Variants in CHCHD2 observed in about 807,000 individuals in gnomAD.
CHCHD2 encodes coiled-coil-helix-coiled-coil-helix domain containing 2.
In CHCHD2, 17 loss-of-function variants were observed where a neutral mutation model predicts 17.5. The observed-to-expected ratio is 0.97, with a 90% confidence interval of 0.67 to 1.46. The LOEUF (loss-of-function observed/expected upper bound fraction) is 1.46, where lower values mean the gene tolerates loss of function less well. Ranked by LOEUF, CHCHD2 falls within the 40% of genes most tolerant of loss-of-function variation. The pLI is 0.00. For synonymous variants in CHCHD2, 63 were observed against 74.3 expected (o/e 0.85, Z 0.78); for missense variants, 175 against 199.9 (o/e 0.88, Z 0.75).
rs779261129 is a variant in CHCHD2 at position 56,104,379 on chromosome 7, C to A, written c.147G>T (p.Ala49=). Residue 49 remains alanine (A), a synonymous_variant, in exon 2 of 4, where the codon GCG becomes GCT. Transcript: ENST00000395422. ...GGGCCATCAGACCTGGCTGCCGGGG[C>A]GCAGCAGCAGAAGAGCCAACTGCAG... ...PPSAVGSSAA[A]PRQPGLMAQM... 5.6e-6 allele frequency: 9 copies of A among 1,612,292 alleles called. No homozygotes were observed. Among genetic ancestry groups the A allele is most frequent in the Admixed American group, 5.0e-5 (3 of 59,942 alleles).
chr7:56,106,476 T>A lies in CHCHD2; in HGVS notation c.-63A>T. ...AACCACCGAAGAGCTAAGCGACTTCTGAGGAGACCGGAAGATGGGAGGCGG... is the reference window on the plus strand; with the variant it reads ...AACCACCGAAGAGCTAAGCGACTTCAGAGGAGACCGGAAGATGGGAGGCGG... On this transcript the variant is annotated 5_prime_UTR_variant, in exon 1 of 4. Transcript: ENST00000395422. 6.6e-7 allele frequency: 1 copy of A among 1,526,554 alleles called. No individual in the cohort carries two copies. The highest frequency in any genetic ancestry group is 9.1e-7 in the Non-Finnish European group (1 of 1,102,404). 94.6% of individuals were successfully genotyped at this position (1,526,554 alleles called of 1,614,324 possible). A position where few individuals can be genotyped will look rare whatever the true frequency, so the allele number is the denominator to read the frequency against.
In CHCHD2 at chr7:56,105,202, C is replaced by G. The variant is rs189129067; in HGVS notation, c.51-727G>C. Among the ~76,000 whole-genome samples, 156 of 152,342 alleles carry G rather than the reference C, an allele frequency of 1.0e-3. 1 individual carries two copies. Among genetic ancestry groups the G allele is most frequent in the African/African-American group, 3.6e-3 (150 of 41,586 alleles). ...TTGGGATTACAGGCATGAGCCACCACGCCCGGCCACTTTAATCTTTTCTTA... is the reference window on the plus strand; with the variant it reads ...TTGGGATTACAGGCATGAGCCACCAGGCCCGGCCACTTTAATCTTTTCTTA... On this transcript the variant is annotated intron_variant, in intron 1 of 3. Transcript: ENST00000395422.
chr7:56,106,161 G>C (rs1785379731), intron 1 of CHCHD2, among the ~76,000 whole-genome samples: 1 of 152,074 alleles, frequency 6.6e-6, no homozygotes, highest in Non-Finnish European at 1.5e-5. Flanking sequence ...CCGTTGTTTG[G>C]ATAGGAAGCT....
In CHCHD2 at chr7:56,101,876, G is replaced by C. The variant is rs778929119; in HGVS notation, c.446-15C>G. On this transcript the variant is annotated splice_polypyrimidine_tract_variant and intron_variant, in intron 3 of 3. Transcript: ENST00000395422. The stretch of plus-strand genomic sequence containing the variant: ...TTAGGCCAATCCTGCAAACAGAAAA[G>C]ATTAAGTTAGAAGAATGCTAGCTTC... 2 of 1,612,480 alleles carry C rather than the reference G, an allele frequency of 1.2e-6. No homozygotes were observed. Among genetic ancestry groups the C allele is most frequent in the Non-Finnish European group, 1.7e-6 (2 of 1,178,914 alleles).
rs1785349297 is a variant in CHCHD2, at chr7:56,104,489, G to GA, written c.51-15dup. 2 of 1,526,374 alleles carry GA rather than the reference G, an allele frequency of 1.3e-6. No homozygotes were observed. Among genetic ancestry groups the GA allele is most frequent in the Admixed American group, 2.2e-5 (1 of 46,366 alleles). The allele number at this position is 1,526,374 out of a possible 1,614,324, so 94.6% of individuals were successfully genotyped here. A position where few individuals can be genotyped will look rare whatever the true frequency, so the allele number is the denominator to read the frequency against. ...TGAGGGGCCCGGCTGTGAAAGAAAA[G>GA]AAAAAAACATCAAGTTCCCAATTCC... On this transcript the variant is annotated splice_polypyrimidine_tract_variant and intron_variant, in intron 1 of 3. Transcript: ENST00000395422.
chr7:56,102,288 G>A (rs1262405851), intron 3 of CHCHD2, among the ~76,000 whole-genome samples: 1 of 151,582 alleles, frequency 6.6e-6, no homozygotes, highest in Non-Finnish European at 1.5e-5. Context: ...CAGCCTTAAG[G>A]TTAGAAGGTC....
chr7:56,102,783 A>G, intron 3 of CHCHD2, 84 bp downstream of exon 3: 1 of 1,442,804 alleles, frequency 6.9e-7, no homozygotes, highest in Non-Finnish European at 9.6e-7. Flanking sequence ...TCTCTAATTT[A>G]TTAAACACAG....
chr7:56,104,598 T>C (rs1387496936), intron 1 of CHCHD2, 123 bp from the exon 2 acceptor site: 14 of 1,173,456 alleles, frequency 1.2e-5, no homozygotes, highest in Non-Finnish European at 1.6e-5. Context: ...ATTTACATCA[T>C]TTTCTCTCTT....
At chr7:56,102,164 G>A (rs1785296310) in intron 3 of CHCHD2, among the ~76,000 whole-genome samples, 1 of 152,014 alleles carries the variant, frequency 6.6e-6, no homozygotes, top group Non-Finnish European at 1.5e-5. Context: ...AATCTCCGGA[G>A]TTCCCCTGAG....
At chr7:56,102,777 T>C in intron 3 of CHCHD2, 90 bp downstream of exon 3, 1 of 1,387,904 alleles carries the variant, frequency 7.2e-7, no homozygotes, top group East Asian at 2.3e-5. Context: ...AAGTCTTCTC[T>C]AATTTATTAA....
chr7:56,104,596 C>CG, intron 1 of CHCHD2, 121 bp from the exon 2 acceptor site: 1 of 1,153,724 alleles, frequency 8.7e-7, no homozygotes, highest in Non-Finnish European at 1.2e-6. Flanking sequence ...TTATTTACAT[C>CG]ATTTTCTCTC....
intron 1 of CHCHD2, among the ~76,000 whole-genome samples, chr7:56,105,196 C>T (rs1362829251): frequency 6.6e-6 from 1 of 152,222 alleles, no homozygotes; most frequent in East Asian, 1.9e-4. Context: ...CAGGCATGAG[C>T]CACCACGCCC....
At position 56,104,265 on chromosome 7, in the gene CHCHD2, T is replaced by C; in HGVS notation, c.261A>G (p.Gly87=). ...GHAITGGFSG[G]SNAEPARPDI... is the part of the protein sequence containing the mutation. Reference sequence around the variant, plus strand: ...CAGGCCTCGCAGGCTCAGCATTACTTCCTCCACTGAAGCCCCCAGTAATGG... The same window carrying C: ...CAGGCCTCGCAGGCTCAGCATTACTCCCTCCACTGAAGCCCCCAGTAATGG... Residue 87 remains glycine, a synonymous_variant, in exon 2 of 4, where the codon GGA becomes GGG. Transcript: ENST00000395422. 1.2e-6 allele frequency: 2 copies of C among 1,613,642 alleles called. No individual in the cohort carries two copies. Among genetic ancestry groups the C allele is most frequent in the Non-Finnish European group, 1.7e-6 (2 of 1,179,628 alleles).
chr7:56,105,323 A>G (rs1364848688), intron 1 of CHCHD2, among the ~76,000 whole-genome samples: 1 of 152,218 alleles, frequency 6.6e-6, no homozygotes, highest in Non-Finnish European at 1.5e-5. Flanking sequence ...AGACATATCC[A>G]ACATGTCATA....
intron 3 of CHCHD2, among the ~76,000 whole-genome samples, chr7:56,102,259 G>C (rs1347460986): frequency 6.6e-6 from 1 of 151,974 alleles, no homozygotes; most frequent in African/African-American, 2.4e-5. Flanking sequence ...GGTGAAAACA[G>C]AATCTAATCT....
chr7:56,103,915 A>G (rs1785332514), intron 2 of CHCHD2, among the ~76,000 whole-genome samples: 1 of 152,220 alleles, frequency 6.6e-6, no homozygotes, highest in African/African-American at 2.4e-5. Context: ...TTTGTTAACT[A>G]AGATCAAGAC....
intron 3 of CHCHD2, 97 bp downstream of exon 3, chr7:56,102,770 T>C (rs553126313): frequency 7.7e-7 from 1 of 1,302,180 alleles, no homozygotes; most frequent in Non-Finnish European, 1.1e-6. Context: ...TTCAACAAAG[T>C]CTTCTCTAAT....
chr7:56,104,846 G>A (rs1332272989), intron 1 of CHCHD2, among the ~76,000 whole-genome samples: 1 of 151,970 alleles, frequency 6.6e-6, no homozygotes, highest in African/African-American at 2.4e-5. Flanking sequence ...CTGACCTCAG[G>A]TGATCCACCC....
rs1410164355 is a variant in CHCHD2 at position 56,101,865 on chromosome 7, C to T, written c.446-4G>A. The T allele has an allele frequency of 1.2e-6, 2 of 1,612,784 alleles. No homozygotes were observed. Among genetic ancestry groups the T allele is most frequent in the Admixed American group, 3.3e-5 (2 of 59,854 alleles). On this transcript the variant is annotated splice_region_variant and splice_polypyrimidine_tract_variant and intron_variant, in intron 3 of 3. Transcript: ENST00000395422. ...GAACTTCTTCATTAGGCCAATCCTG[C>T]AAACAGAAAAGATTAAGTTAGAAGA... is the stretch of plus-strand genomic sequence containing the variant.
Sources: allele counts gnomAD v4.1 joint callset (sites outside exome capture counted in the v4.1 genomes callset), GRCh38; gene constraint gnomAD v4.1.1; transcripts MANE v1.5; gene names NCBI Gene and HGNC (gene_info 2026-07-23, HGNC 2026-07-21).